ANKS1B: variants seen among roughly 807,000 people sequenced by gnomAD.
ANKS1B encodes ankyrin repeat and sterile alpha motif domain containing 1B.
Under a neutral mutation model 148.3 loss-of-function variants are expected in ANKS1B, and 36 were observed. That is an observed-to-expected ratio of 0.24 (90% CI 0.19 to 0.32). ANKS1B has a LOEUF of 0.32. Among genes scored for constraint, ANKS1B ranks in the 10% least tolerant of loss-of-function variants. The pLI is 1.00. For synonymous variants in ANKS1B, 542 were observed against 560.8 expected (o/e 0.97, Z 0.47); for missense variants, 1,157 against 1,542.6 (o/e 0.75, Z 4.19).
chr12:99,331,148 C>T (rs1603037568), intron 12 of ANKS1B, among the ~76,000 whole-genome samples: 1 of 151,854 alleles, frequency 6.6e-6, no homozygotes, highest in East Asian at 1.9e-4. Flanking sequence ...TATGACCGTG[C>T]ATGTGTTACT....
intron 1 of ANKS1B, among the ~76,000 whole-genome samples, chr12:99,843,725 A>G (rs2086149157): frequency 6.6e-6 from 1 of 152,006 alleles, no homozygotes; most frequent in Non-Finnish European, 1.5e-5. Context: ...ATACATGTGC[A>G]TGTATCTTTA....
chr12:99,378,292 C>T (rs2093474766), intron 12 of ANKS1B, among the ~76,000 whole-genome samples: 1 of 152,076 alleles, frequency 6.6e-6, no homozygotes, highest in African/African-American at 2.4e-5. Flanking sequence ...GTTTAATGGA[C>T]TGAAACCCAA....
chr12:99,897,550 C>T lies in ANKS1B; in HGVS notation c.135-72161G>A, dbSNP rs184988650. 9.9e-4 allele frequency among the ~76,000 whole-genome samples: 149 copies of T among 151,180 alleles called. 3 individuals carry two copies. Among genetic ancestry groups the T allele is most frequent in the African/African-American group, 3.5e-3 (143 of 41,440 alleles). ...TAAACTATTCCAGATTCAAATAAAACATATCATTTCTATTTTTCCATTCAC... is the reference window on the plus strand; with the variant it reads ...TAAACTATTCCAGATTCAAATAAAATATATCATTTCTATTTTTCCATTCAC... On this transcript the variant is annotated intron_variant, in intron 1 of 26. Coordinates refer to ENST00000683438, the MANE Select transcript of ANKS1B (RefSeq NM_001352186.2).
intron 14 of ANKS1B, among the ~76,000 whole-genome samples, chr12:99,222,832 C>T (rs1669793364): frequency 2.0e-5 from 3 of 152,160 alleles, no homozygotes; most frequent in African/African-American, 7.2e-5. Context: ...TGGGTAAGAA[C>T]ACTTCTAACA....
rs1172064655 is a variant in ANKS1B at position 99,357,738 on chromosome 12, C to T, written c.1756+41893G>A. Among the ~76,000 whole-genome samples the T allele has an allele frequency of 3.9e-5, 6 of 152,192 alleles. No homozygotes were observed. In the South Asian group the frequency reaches 8.3e-4, roughly 21 times the overall value. On this transcript the variant is annotated intron_variant, in intron 12 of 26. Coordinates refer to ENST00000683438, the MANE Select transcript of ANKS1B (RefSeq NM_001352186.2). ...TTAATAAATTAGGTGAAAAAACCCTCATATATAAATCACATTACTAGTTGA... is the reference window on the plus strand; with the variant it reads ...TTAATAAATTAGGTGAAAAAACCCTTATATATAAATCACATTACTAGTTGA...
At chr12:99,679,133 T>C (rs916142190) in intron 8 of ANKS1B, among the ~76,000 whole-genome samples, 1 of 152,178 alleles carries the variant, frequency 6.6e-6, no homozygotes, top group Non-Finnish European at 1.5e-5. Context: ...AAGTACAGAT[T>C]AAACATTTGT....
intron 10 of ANKS1B, among the ~76,000 whole-genome samples, chr12:99,454,464 G>A (rs2095813076): frequency 6.6e-6 from 1 of 152,182 alleles, no homozygotes; most frequent in Admixed American, 6.5e-5. Flanking sequence ...AGAAGTTCTA[G>A]CAAAGAGTCA....
At chr12:99,400,279 C>A (rs1442817954) in intron 11 of ANKS1B, among the ~76,000 whole-genome samples, 1 of 126,918 alleles carries the variant, frequency 7.9e-6, no homozygotes, top group East Asian at 1.9e-4. Context: ...GAATTGGTGG[C>A]ATTAGATATT....
intron 9 of ANKS1B, chr12:99,648,421 C>G: frequency 6.2e-7 from 1 of 1,614,190 alleles, no homozygotes. Context: ...CCTCACACTA[C>G]CTGATGTCAT....
At chr12:99,648,811 A>G in intron 9 of ANKS1B, 1 of 1,595,266 alleles carries the variant, frequency 6.3e-7, no homozygotes, top group South Asian at 1.1e-5. Flanking sequence ...CAGAGACTAG[A>G]TGGGGCCTGG....
chr12:99,097,928 C>T (rs538236380), intron 15 of ANKS1B, among the ~76,000 whole-genome samples: 2 of 152,258 alleles, frequency 1.3e-5, no homozygotes, highest in East Asian at 3.9e-4. Context: ...GGGGAAATGT[C>T]ATTTTCTTCA....
chr12:99,521,047 A>T (rs1234047200), intron 9 of ANKS1B, among the ~76,000 whole-genome samples: 1 of 152,010 alleles, frequency 6.6e-6, no homozygotes, highest in African/African-American at 2.4e-5. Context: ...TGCCTGCCTC[A>T]GCCTCCCAAA....
chr12:99,113,143 G>C (rs1294652314), intron 15 of ANKS1B, among the ~76,000 whole-genome samples: 1 of 152,200 alleles, frequency 6.6e-6, no homozygotes, highest in African/African-American at 2.4e-5. Flanking sequence ...TTGAGCCATT[G>C]CCAATATAGG....
intron 1 of ANKS1B, among the ~76,000 whole-genome samples, chr12:99,911,623 CATA>C (rs1451451945): frequency 6.6e-6 from 1 of 152,142 alleles, no homozygotes; most frequent in Non-Finnish European, 1.5e-5. Context: ...CAATATAACA[CATA>C]ATGATTTATT....
In ANKS1B at chr12:99,547,278, CAT is replaced by C. The variant is rs1484636984; in HGVS notation, c.1273-42639_1273-42638del. 9.2e-5 allele frequency among the ~76,000 whole-genome samples: 14 copies of C among 152,198 alleles called. No homozygotes were observed. The East Asian group carries it at 1.2e-3, about 13-fold the overall frequency. ...GACTCTTCTGAGGATTAGGAGATAA[CAT>C]GTGGGAAATGCCTGGTATTGTTCAG... On this transcript the variant is annotated intron_variant, in intron 9 of 26. Transcript: ENST00000683438.
At chr12:98,958,939 G>T (rs1445308731) in intron 17 of ANKS1B, among the ~76,000 whole-genome samples, 4 of 152,054 alleles carry the variant, frequency 2.6e-5, no homozygotes, top group African/African-American at 4.8e-5. Context: ...AGCTTTATTA[G>T]GTGATGATTA....
intron 9 of ANKS1B, among the ~76,000 whole-genome samples, chr12:99,518,368 T>TA (rs2096843193): frequency 6.6e-6 from 1 of 152,164 alleles, no homozygotes; most frequent in South Asian, 2.1e-4. Flanking sequence ...GGAGACTTTT[T>TA]ATTACACCTT....
chr12:99,654,591 T>C (rs11109975), intron 9 of ANKS1B, among the ~76,000 whole-genome samples: 1,535 of 152,342 alleles, frequency 0.01, 20 homozygotes, highest in Admixed American at 0.018. Context: ...GTCAATATTT[T>C]AGTGTTCTGG....
intron 9 of ANKS1B, among the ~76,000 whole-genome samples, chr12:99,590,628 G>A (rs1384753906): frequency 6.6e-6 from 1 of 152,160 alleles, no homozygotes; most frequent in Non-Finnish European, 1.5e-5. Context: ...TTGAGGGCAA[G>A]TGCCATTTAA....
Sources: allele counts gnomAD v4.1 joint callset (sites outside exome capture counted in the v4.1 genomes callset), GRCh38; gene constraint gnomAD v4.1.1; transcripts MANE v1.5; gene names NCBI Gene and HGNC (gene_info 2026-07-23, HGNC 2026-07-21).